Variants in DPYD observed in about 807,000 individuals in gnomAD.
DPYD encodes the protein dihydropyrimidine dehydrogenase.
A neutral mutation model predicts 116.2 loss-of-function variants in DPYD; 109 were observed. That is an observed-to-expected ratio of 0.94 (90% confidence interval 0.80 to 1.10). DPYD has a LOEUF of 1.10. Among genes scored for constraint, DPYD ranks in the 50% least tolerant of loss-of-function variants. DPYD has a pLI of 0.00. For missense variants in DPYD, 1,302 were observed against 1,254.5 expected, an observed-to-expected ratio of 1.04 and a Z score of -0.57; for synonymous variants, 440 against 432.0, an observed-to-expected ratio of 1.02 and a Z score of -0.23.
chr1:97,536,791 C>T (rs899601995), intron 12 of DPYD, among the ~76,000 whole-genome samples: 1 of 152,198 alleles, frequency 6.6e-6, no homozygotes, highest in African/African-American at 2.4e-5. Context: ...ATTCATCTAA[C>T]AGCTGGAAAG....
chr1:97,350,081 G>A (rs1670066189), intron 16 of DPYD, among the ~76,000 whole-genome samples: 1 of 152,150 alleles, frequency 6.6e-6, no homozygotes, highest in South Asian at 2.1e-4. Context: ...CAGTCTCAGA[G>A]CTGAAGACCA....
At chr1:97,613,640 T>C (rs898292855) in intron 8 of DPYD, among the ~76,000 whole-genome samples, 1 of 152,030 alleles carries the variant, frequency 6.6e-6, no homozygotes, top group Non-Finnish European at 1.5e-5. Context: ...ATTAAAATTA[T>C]AAATGGAAAG....
At chr1:97,125,098 G>T (rs1652733579) in intron 20 of DPYD, among the ~76,000 whole-genome samples, 1 of 152,102 alleles carries the variant, frequency 6.6e-6, no homozygotes, top group East Asian at 1.9e-4. Context: ...AAACTAACAA[G>T]TGGGGAAGAA....
intron 12 of DPYD, among the ~76,000 whole-genome samples, chr1:97,542,040 C>A (rs1416370938): frequency 6.6e-6 from 1 of 152,112 alleles, no homozygotes; most frequent in East Asian, 1.9e-4. Flanking sequence ...CTGGAAAACG[C>A]TTTTCTTCAC....
intron 13 of DPYD, among the ~76,000 whole-genome samples, chr1:97,468,169 A>G (rs1040354973): frequency 6.6e-6 from 1 of 152,242 alleles, no homozygotes; most frequent in Non-Finnish European, 1.5e-5. Flanking sequence ...TTTGACTTCC[A>G]TATGTATATA....
At chr1:97,518,288 T>C (rs1648379550) in intron 12 of DPYD, among the ~76,000 whole-genome samples, 1 of 152,114 alleles carries the variant, frequency 6.6e-6, no homozygotes, top group South Asian at 2.1e-4. Flanking sequence ...TATGTGTTTA[T>C]AATATAATCT....
At chr1:97,613,829 C>T (rs376683906) in intron 8 of DPYD, among the ~76,000 whole-genome samples, 1 of 152,020 alleles carries the variant, frequency 6.6e-6, no homozygotes, top group East Asian at 1.9e-4. Flanking sequence ...GTGGCAGTAG[C>T]TACAGAGATC....
At chr1:97,594,930 T>G in intron 9 of DPYD, 129 bp downstream of exon 9, 4 of 658,776 alleles carry the variant, frequency 6.1e-6, no homozygotes, top group Non-Finnish European at 1.0e-5. Context: ...TTTTTAATTT[T>G]ACATTTGGGT....
rs548445303 is a variant in DPYD at position 97,448,778 on chromosome 1, A to G, written c.1905+1281T>C. On this transcript the variant is annotated intron_variant, in intron 14 of 22. Coordinates refer to ENST00000370192, the MANE Select transcript of DPYD (RefSeq NM_000110.4). ...AAGCTCAGGAAGAGAAAAATTTCTAATAAGCAGAAACTATAGATTTTAGAC... is the reference window on the plus strand; with the variant it reads ...AAGCTCAGGAAGAGAAAAATTTCTAGTAAGCAGAAACTATAGATTTTAGAC... Among the ~76,000 whole-genome samples the G allele has an allele frequency of 4.6e-4, 70 of 152,192 alleles. No homozygotes were observed. The Middle Eastern group carries it at 0.01, about 22-fold the overall frequency.
chr1:97,080,311 T>C (rs1172376540), intron 22 of DPYD, among the ~76,000 whole-genome samples: 1 of 152,134 alleles, frequency 6.6e-6, no homozygotes, highest in Non-Finnish European at 1.5e-5. Context: ...AATTGCATTA[T>C]TTTGATTTTT....
chr1:97,886,900 CA>C (rs1011150295), intron 1 of DPYD, among the ~76,000 whole-genome samples: 3 of 151,922 alleles, frequency 2.0e-5, no homozygotes, highest in Non-Finnish European at 4.4e-5. Flanking sequence ...GGACTCACCT[CA>C]AAAACTACCA....
chr1:97,759,159 C>T (rs1665433825), intron 3 of DPYD, among the ~76,000 whole-genome samples: 2 of 152,048 alleles, frequency 1.3e-5, no homozygotes, highest in African/African-American at 4.8e-5. Flanking sequence ...TACTTGCTGC[C>T]CAGTCTGTAT....
chr1:97,375,458 C>A (rs1159082174), intron 15 of DPYD, among the ~76,000 whole-genome samples: 1 of 152,132 alleles, frequency 6.6e-6, no homozygotes, highest in Non-Finnish European at 1.5e-5. Flanking sequence ...TTGTTAAAGT[C>A]CATTTGATCA....
chr1:97,567,258 T>C (rs543799989), intron 11 of DPYD, among the ~76,000 whole-genome samples: 1 of 152,058 alleles, frequency 6.6e-6, no homozygotes, highest in Non-Finnish European at 1.5e-5. Flanking sequence ...ATTTACCCCA[T>C]GAGGCTTTCA....
intron 18 of DPYD, among the ~76,000 whole-genome samples, chr1:97,256,413 G>A (rs991914779): frequency 3.9e-5 from 6 of 151,924 alleles, no homozygotes; most frequent in Admixed American, 6.6e-5. Flanking sequence ...GGAGGGACCC[G>A]GTGGGAGGTA....
intron 1 of DPYD, among the ~76,000 whole-genome samples, chr1:97,912,551 G>A (rs1450328223): frequency 1.3e-5 from 2 of 152,082 alleles, no homozygotes; most frequent in African/African-American, 4.8e-5. Context: ...ATATTACGTG[G>A]ATGACTTGAG....
At chr1:97,180,758 ATTATAC>A (rs1657592167) in intron 20 of DPYD, among the ~76,000 whole-genome samples, 1 of 152,158 alleles carries the variant, frequency 6.6e-6, no homozygotes, top group Admixed American at 6.6e-5. Flanking sequence ...AGTATGAGGA[ATTATAC>A]TTAACCACTC....
At chr1:97,578,908 AG>A (rs1653453187) in intron 10 of DPYD, among the ~76,000 whole-genome samples, 1 of 152,250 alleles carries the variant, frequency 6.6e-6, no homozygotes, top group African/African-American at 2.4e-5. Flanking sequence ...AACAAAAAAA[AG>A]TACTACTTCA....
intron 16 of DPYD, among the ~76,000 whole-genome samples, chr1:97,371,691 T>C (rs1370826963): frequency 6.6e-6 from 1 of 152,210 alleles, no homozygotes; most frequent in Non-Finnish European, 1.5e-5. Context: ...AGAGAAATCA[T>C]TTAAAATATG....
Sources: gnomAD v4.1 joint callset for allele counts (sites outside exome capture counted in the v4.1 genomes callset) on GRCh38, gnomAD v4.1.1 for gene constraint, MANE v1.5 for transcripts, NCBI Gene and HGNC (gene_info 2026-07-23, HGNC 2026-07-21) for gene names.